The following PCDH11Y variants were observed in gnomAD, a reference collection of about 807,000 sequenced individuals.
PCDH11Y encodes the protein protocadherin-11 Y-linked.
For missense variants in PCDH11Y, 12 were observed against 224.8 expected (o/e 0.05, Z 6.05); for synonymous variants, 9 against 83.6 (o/e 0.11, Z 4.87).
At chrY:5,121,509 G>A (rs2052818215) in intron 2 of PCDH11Y, among the ~76,000 whole-genome samples, 1 of 32,551 alleles carries the variant, frequency 3.1e-5, no homozygotes, top group African/African-American at 1.2e-4. Context: ...TTGAAGGTGG[G>A]TCTGCCTTTC....
At chrY:5,184,863 T>C (rs2052904781) in intron 2 of PCDH11Y, among the ~76,000 whole-genome samples, 1 of 27,604 alleles carries the variant, frequency 3.6e-5, no homozygotes, top group Non-Finnish European at 8.4e-5. Flanking sequence ...ACATTTTCTT[T>C]CATTCTTTAG....
At chrY:5,094,704 G>C in intron 1 of PCDH11Y, among the ~76,000 whole-genome samples, 1 of 30,639 alleles carries the variant, frequency 3.3e-5, no homozygotes, top group Non-Finnish European at 8.0e-5. Flanking sequence ...GAGCTGTTGA[G>C]AACTTAAAAT....
chrY:5,712,633 TA>T (rs2053587483), intron 4 of PCDH11Y, among the ~76,000 whole-genome samples: 8 of 33,022 alleles, frequency 2.4e-4, no homozygotes, highest in African/African-American at 5.9e-4. Context: ...CTCAGAAGTT[TA>T]AAAAAAAATT....
At chrY:5,552,626 G>A in intron 3 of PCDH11Y, among the ~76,000 whole-genome samples, 1 of 32,949 alleles carries the variant, frequency 3.0e-5, no homozygotes. Context: ...CTTGCATATA[G>A]TACTAAAACC....
chrY:5,579,570 C>A (rs2053449011), intron 3 of PCDH11Y, among the ~76,000 whole-genome samples: 1 of 32,510 alleles, frequency 3.1e-5, no homozygotes, highest in Admixed American at 2.8e-4. Flanking sequence ...ACACACTTAA[C>A]TTGTGAGATA....
chrY:5,311,995 G>C, intron 2 of PCDH11Y, among the ~76,000 whole-genome samples: 1 of 30,879 alleles, frequency 3.2e-5, no homozygotes, highest in Non-Finnish European at 7.8e-5. Context: ...CTGGCTCCTA[G>C]TTCTTTTTGT....
At chrY:5,635,502 G>C in intron 4 of PCDH11Y, among the ~76,000 whole-genome samples, 1 of 33,641 alleles carries the variant, frequency 3.0e-5, no homozygotes, top group South Asian at 6.7e-4. Flanking sequence ...TTGATATGAT[G>C]AAGTTCAGAA....
At chrY:5,585,852 T>TC (rs2053455001) in intron 4 of PCDH11Y, among the ~76,000 whole-genome samples, 11 of 24,169 alleles carry the variant, frequency 4.6e-4, no homozygotes, top group African/African-American at 1.8e-3. Flanking sequence ...CAGAGCTTCT[T>TC]TTTTTTTTTT....
At chrY:5,692,159 T>A in intron 4 of PCDH11Y, among the ~76,000 whole-genome samples, 1 of 33,487 alleles carries the variant, frequency 3.0e-5, no homozygotes, top group Non-Finnish European at 7.4e-5. Flanking sequence ...GAATGCAAGC[T>A]GTGATGAAAT....
chrY:5,393,483 T>A, intron 2 of PCDH11Y, among the ~76,000 whole-genome samples: 1 of 27,066 alleles, frequency 3.7e-5, no homozygotes, highest in Admixed American at 3.8e-4. Context: ...AGCCCAGGAA[T>A]TCGAGACCAG....
At position 5,557,148 on chromosome Y, in the gene PCDH11Y, G is replaced by T. The variant is rs2124694632; in HGVS notation, c.3329-24627G>T. Among the ~76,000 whole-genome samples the T allele has an allele frequency of 2.2e-4, 7 of 32,015 alleles. No homozygotes were observed. In the South Asian group the frequency reaches 4.3e-3, roughly 20 times the overall value. The allele number at this position is 32,015 out of a possible 37,273, so 85.9% of individuals were successfully genotyped here. A position where few individuals can be genotyped will look rare whatever the true frequency, so the allele number is the denominator to read the frequency against. ...GCTTAACATAGCTTTTGCTATTCAG[G>T]CTCTTTTTTGTACCATATGAATTTT... On this transcript the variant is annotated intron_variant, in intron 3 of 4. Coordinates refer to the PCDH11Y transcript ENST00000400457.
intron 2 of PCDH11Y, among the ~76,000 whole-genome samples, chrY:5,474,667 CAT>C (rs2053316994): frequency 3.1e-5 from 1 of 32,675 alleles, no homozygotes; most frequent in Non-Finnish European, 7.6e-5. Flanking sequence ...CTTGAAATTC[CAT>C]ATGTTTTTTG....
intron 4 of PCDH11Y, among the ~76,000 whole-genome samples, chrY:5,725,836 A>G (rs2053598361): frequency 3.0e-5 from 1 of 33,626 alleles, no homozygotes; most frequent in Admixed American, 2.7e-4. Flanking sequence ...AAGAACTTGT[A>G]AAATCCAACA....
chrY:5,220,560 G>A (rs1602888636), intron 2 of PCDH11Y, among the ~76,000 whole-genome samples: 8 of 25,438 alleles, frequency 3.1e-4, no homozygotes, highest in Admixed American at 7.6e-4. Flanking sequence ...GCTGGCCCCC[G>A]CCACCACGCC....
intron 4 of PCDH11Y, among the ~76,000 whole-genome samples, chrY:5,687,429 T>G (rs2053564313): frequency 3.2e-5 from 1 of 31,029 alleles, no homozygotes; most frequent in Non-Finnish European, 7.8e-5. Context: ...CGGTGAAACC[T>G]GTCTCAACTA....
chrY:5,127,578 C>A, intron 2 of PCDH11Y, among the ~76,000 whole-genome samples: 9 of 32,975 alleles, frequency 2.7e-4, no homozygotes, highest in Admixed American at 2.5e-3. Context: ...AATACTCTAA[C>A]GGATAATCTA....
intron 2 of PCDH11Y, among the ~76,000 whole-genome samples, chrY:5,447,185 A>G: frequency 3.1e-5 from 1 of 32,074 alleles, no homozygotes; most frequent in Admixed American, 2.9e-4. Flanking sequence ...TTTATGCAAC[A>G]TGTACATGGG....
chrY:5,259,416 T>G, intron 2 of PCDH11Y, among the ~76,000 whole-genome samples: 1 of 31,947 alleles, frequency 3.1e-5, no homozygotes, highest in South Asian at 7.2e-4. Context: ...AAGGTGATTT[T>G]CTCTGGTGGC....
downstream of PCDH11Y, among the ~76,000 whole-genome samples, chrY:5,107,885 C>G (rs2052793938): frequency 6.4e-5 from 2 of 31,335 alleles, no homozygotes; most frequent in Non-Finnish European, 1.6e-4. Context: ...CAGTGAAACC[C>G]CGTCTCTACT....
Sources: allele counts gnomAD v4.1 joint callset (sites outside exome capture counted in the v4.1 genomes callset), GRCh38; gene constraint gnomAD v4.1.1; transcripts MANE v1.5; gene names NCBI Gene and HGNC (gene_info 2026-07-23, HGNC 2026-07-21).